PCDH15: variants seen among roughly 807,000 people sequenced by gnomAD.
The protein encoded by PCDH15 is protocadherin related 15, also known as protocadherin-15.
PCDH15 carries 129 observed loss-of-function variants against 178.5 expected under a neutral mutation model. The ratio of observed to expected loss-of-function variants is 0.72; its 90% CI spans 0.63 to 0.84. PCDH15 has a LOEUF of 0.84. Ranked by LOEUF, PCDH15 falls within the 40% of genes least tolerant of loss-of-function variation. The probability of loss-of-function intolerance (pLI) is 0.00; values close to 1 mark genes in which losing one functional copy is unlikely to be tolerated. For synonymous variants in PCDH15, 800 were observed against 732.0 expected (o/e 1.09, Z -1.50); for missense variants, 2,230 against 2,099.9 (o/e 1.06, Z -1.21).
At chr10:53,830,755 C>G (rs775073586) in intron 30 of PCDH15, among the ~76,000 whole-genome samples, 9 of 152,144 alleles carry the variant, frequency 5.9e-5, no homozygotes, top group Non-Finnish European at 1.3e-4. Flanking sequence ...AACATGCTGT[C>G]AAATAGTACA....
rs1467457009 is a variant in PCDH15, at chr10:53,840,398, T to C, written c.3905A>G (p.Asp1302Gly). 2 of 1,614,002 alleles carry C rather than the reference T, an allele frequency of 1.2e-6. No homozygotes were observed. The highest frequency in any genetic ancestry group is 1.3e-5 in the African/African-American group (1 of 74,926). The change falls in exon 29 of 38, where the codon GAT becomes GGT. Residue 1302 changes from aspartate (D) to glycine (G), a missense_variant. Asp to Gly is a moderately conservative substitution (Grantham distance 94). Coordinates refer to ENST00000644397, the MANE Select transcript of PCDH15 (RefSeq NM_001384140.1). ...RRHGDAFSLE[D>G]YTKCDLTVYA... The stretch of plus-strand genomic sequence containing the variant: ...GACAGTCAAGTCACATTTGGTGTAA[T>C]CTTCTAGGGAAAAGGCATCTCCATG...
At position 53,806,836 on chromosome 10, in the gene PCDH15, T is replaced by TTGA; in HGVS notation, c.4963_4965dup (p.Ser1655dup). 1.2e-6 allele frequency: 2 copies of TTGA among 1,613,938 alleles called. No homozygotes were observed. The highest frequency in any genetic ancestry group is 2.2e-5 in the South Asian group (2 of 91,088). ...ATTTTTTCAGTAGAAAATGGCCCCT[T>TTGA]TGATAATGTGTTCAGAGGTACATTC... On this transcript the variant is annotated inframe_insertion, in exon 38 of 38. Transcript: ENST00000644397.
At chr10:53,839,672 CA>C (rs1338940481) in intron 29 of PCDH15, among the ~76,000 whole-genome samples, 4 of 94,478 alleles carry the variant, frequency 4.2e-5, no homozygotes, top group Non-Finnish European at 5.9e-5. Context: ...ATTCTGTTAA[CA>C]ATTTTTTTTT....
Position 53,822,977 on chromosome 10 carries a change from C to T in PCDH15, c.4368-2747G>A, listed in dbSNP as rs767811568. 2.9e-5 allele frequency: 46 copies of T among 1,613,920 alleles called. No homozygotes were observed. The highest frequency in any genetic ancestry group is 3.9e-5 in the Non-Finnish European group (46 of 1,179,984). Reference sequence around the variant, plus strand: ...GTCTATTTGGAACTTTCCTCATCAGCCTCCTGGGTAAGCTGACTGACTGAC... The same window carrying T: ...GTCTATTTGGAACTTTCCTCATCAGTCTCCTGGGTAAGCTGACTGACTGAC... On this transcript the variant is annotated intron_variant, in intron 32 of 37. Coordinates refer to ENST00000644397, the MANE Select transcript of PCDH15 (RefSeq NM_001384140.1).
chr10:55,019,893 C>A (rs1012617137), intron 2 of PCDH15, among the ~76,000 whole-genome samples: 9 of 150,942 alleles, frequency 6.0e-5, no homozygotes, highest in Admixed American at 2.0e-4. Context: ...ATAAAAAAAA[C>A]CATAAGACAC....
intron 1 of PCDH15, among the ~76,000 whole-genome samples, chr10:54,717,038 G>T (rs1489453940): frequency 6.7e-6 from 1 of 148,552 alleles, no homozygotes; most frequent in African/African-American, 2.5e-5. Flanking sequence ...AAATGGTGCT[G>T]GGAAAACTGG....
At chr10:54,115,053 G>A (rs1282836959) in intron 15 of PCDH15, among the ~76,000 whole-genome samples, 2 of 152,168 alleles carry the variant, frequency 1.3e-5, no homozygotes, top group Admixed American at 6.5e-5. Context: ...GAGCAGTCCA[G>A]TAGGGAAGCT....
chr10:53,996,809 G>A (rs1419223327), intron 20 of PCDH15, among the ~76,000 whole-genome samples: 1 of 151,994 alleles, frequency 6.6e-6, no homozygotes, highest in African/African-American at 2.4e-5. Flanking sequence ...GGTAGTGTGG[G>A]TCAAACATAT....
chr10:54,208,721 G>A (rs2051084574), intron 10 of PCDH15, among the ~76,000 whole-genome samples: 1 of 151,346 alleles, frequency 6.6e-6, no homozygotes, highest in African/African-American at 2.4e-5. Flanking sequence ...GTACGTGTCT[G>A]TGTGTGTGTG....
At chr10:55,611,345 G>T (rs1843360769) in intron 2 of PCDH15, among the ~76,000 whole-genome samples, 1 of 151,876 alleles carries the variant, frequency 6.6e-6, no homozygotes, top group Admixed American at 6.6e-5. Flanking sequence ...AAAAAAATGG[G>T]CAAAAGACCT....
In PCDH15 at chr10:54,232,617, T is replaced by C. The variant is rs140428923; in HGVS notation, c.985+4206A>G. 1.9e-3 allele frequency among the ~76,000 whole-genome samples: 282 copies of C among 152,324 alleles called. 1 individual carries two copies. Among genetic ancestry groups the C allele is most frequent in the African/African-American group, 6.1e-3 (255 of 41,576 alleles). On this transcript the variant is annotated intron_variant, in intron 9 of 37. Coordinates refer to ENST00000644397, the MANE Select transcript of PCDH15 (RefSeq NM_001384140.1). ...TTTTTTCTGAAGTCAGTTTGAATAG[T>C]TTGATTCCAGGAATTTGTCCATTGC...
At chr10:54,491,050 C>T (rs1315858302) in intron 3 of PCDH15, among the ~76,000 whole-genome samples, 1 of 152,020 alleles carries the variant, frequency 6.6e-6, no homozygotes, top group Non-Finnish European at 1.5e-5. Flanking sequence ...TTAGGAAATG[C>T]ACTAACGTAT....
intron 8 of PCDH15, among the ~76,000 whole-genome samples, chr10:54,271,303 C>T (rs778129997): frequency 2.0e-5 from 3 of 152,026 alleles, no homozygotes; most frequent in African/African-American, 7.2e-5. Context: ...CTCCACCTCC[C>T]GGGTTCAAGC....
intron 15 of PCDH15, among the ~76,000 whole-genome samples, chr10:54,104,365 G>A (rs1645262086): frequency 6.6e-6 from 1 of 152,142 alleles, no homozygotes; most frequent in Admixed American, 6.5e-5. Context: ...CACTTTAACA[G>A]GGGACACCTG....
chr10:54,908,848 T>A (rs1366695655), intron 2 of PCDH15, among the ~76,000 whole-genome samples: 1 of 151,018 alleles, frequency 6.6e-6, no homozygotes, highest in Non-Finnish European at 1.5e-5. Flanking sequence ...CAATATGTGT[T>A]CAGCTCTCAG....
intron 3 of PCDH15, among the ~76,000 whole-genome samples, chr10:54,384,326 CTT>C (rs56284504): frequency 0.82 from 122,115 of 149,118 alleles, 50,598 homozygotes; most frequent in East Asian, 0.97. Flanking sequence ...GATCCCCCCC[CTT>C]TTTTTTTTTT....
chr10:54,656,391 C>T (rs1357321476), intron 2 of PCDH15, among the ~76,000 whole-genome samples: 3 of 152,078 alleles, frequency 2.0e-5, no homozygotes, highest in Non-Finnish European at 4.4e-5. Context: ...AACCTGCTAA[C>T]CATCGAATTA....
At chr10:54,210,903 T>C (rs920682405) in intron 10 of PCDH15, among the ~76,000 whole-genome samples, 1 of 152,046 alleles carries the variant, frequency 6.6e-6, no homozygotes, top group East Asian at 1.9e-4. Context: ...TTGCTCTTCG[T>C]TGTTAATTAA....
intron 18 of PCDH15, among the ~76,000 whole-genome samples, chr10:54,062,955 G>A (rs2094061530): frequency 6.6e-6 from 1 of 152,078 alleles, no homozygotes; most frequent in African/African-American, 2.4e-5. Flanking sequence ...GTTTTTAACT[G>A]AATAGTTAAT....
Sources: gnomAD v4.1 joint callset for allele counts (sites outside exome capture counted in the v4.1 genomes callset) on GRCh38, gnomAD v4.1.1 for gene constraint, MANE v1.5 for transcripts, NCBI Gene and HGNC (gene_info 2026-07-23, HGNC 2026-07-21) for gene names.